Variants in PUM2 observed in about 807,000 individuals in gnomAD.
The protein encoded by PUM2 is pumilio homolog 2.
A neutral mutation model predicts 124.5 loss-of-function variants in PUM2; 57 were observed. The ratio of observed to expected loss-of-function variants is 0.46; its 90% CI spans 0.37 to 0.57. The LOEUF (loss-of-function observed/expected upper bound fraction) is 0.57, where lower values mean the gene tolerates loss of function less well. Ranked by LOEUF, PUM2 falls within the 20% of genes least tolerant of loss-of-function variation. The pLI is 0.00. For missense variants in PUM2, 1,065 were observed against 1,290.6 expected, an observed-to-expected ratio of 0.83 and a Z score of 2.68; for synonymous variants, 460 against 446.1, an observed-to-expected ratio of 1.03 and a Z score of -0.39.
chr2:20,311,297 G>A (rs909097010), intron 5 of PUM2, among the ~76,000 whole-genome samples, 197 bp downstream of exon 5: 10 of 151,968 alleles, frequency 6.6e-5, no homozygotes, highest in African/African-American at 2.4e-4. Flanking sequence ...TTCAGAGGCT[G>A]GTTTGAAGAT....
intron 7 of PUM2, among the ~76,000 whole-genome samples, chr2:20,305,629 T>C (rs1292596819): frequency 2.0e-5 from 3 of 151,980 alleles, no homozygotes; most frequent in Admixed American, 1.3e-4. Context: ...TGAAAGAGTA[T>C]GTTAAAAGAA....
At chr2:20,272,228 C>T (rs1669223523) in intron 13 of PUM2, among the ~76,000 whole-genome samples, 1 of 151,782 alleles carries the variant, frequency 6.6e-6, no homozygotes, top group Non-Finnish European at 1.5e-5. Flanking sequence ...CTTTGAGAAG[C>T]AGTACAACAT....
chr2:20,345,526 G>T (rs1042794551), intron 1 of PUM2, among the ~76,000 whole-genome samples: 7 of 152,032 alleles, frequency 4.6e-5, no homozygotes, highest in Admixed American at 6.6e-5. Context: ...ACATATCACC[G>T]TATCACCAGC....
intron 9 of PUM2, among the ~76,000 whole-genome samples, chr2:20,292,785 G>C (rs1289113985): frequency 6.6e-6 from 1 of 152,040 alleles, no homozygotes; most frequent in Non-Finnish European, 1.5e-5. Flanking sequence ...TACAAAATTA[G>C]CCAGGCATGA....
chr2:20,257,541 G>A (rs1223338923), intron 16 of PUM2, among the ~76,000 whole-genome samples: 2 of 152,066 alleles, frequency 1.3e-5, no homozygotes, highest in Admixed American at 1.3e-4. Context: ...CTTATTAAAA[G>A]TCTGTTTAAT....
chr2:20,348,873 G>A (rs1451123315), intron 1 of PUM2, among the ~76,000 whole-genome samples: 1 of 152,244 alleles, frequency 6.6e-6, no homozygotes, highest in Non-Finnish European at 1.5e-5. Flanking sequence ...AGGCTGCAGT[G>A]AGCCCAGATC....
intron 15 of PUM2, 109 bp from the exon 16 acceptor site, chr2:20,258,480 C>T: frequency 9.3e-7 from 1 of 1,077,298 alleles, no homozygotes; most frequent in South Asian, 2.0e-5. Flanking sequence ...CTATGTAGGG[C>T]AGGGGCTTTA....
Position 20,249,010 on chromosome 2 carries a change from C to G in PUM2, c.*2575G>C, listed in dbSNP as rs1210900995. The G allele has an allele frequency of 6.6e-6, 1 of 152,166 alleles. No individual in the cohort carries two copies. The highest frequency in any genetic ancestry group is 1.5e-5 in the Non-Finnish European group (1 of 68,034). 9.4% of individuals were successfully genotyped at this position (152,166 alleles called of 1,614,324 possible). On this transcript the variant is annotated 3_prime_UTR_variant, in exon 21 of 21. Transcript: ENST00000361078. ...AAATTGGGGTGGGCACCCAAAATGG[C>G]AGACTGTAAAATTTCTACAAGAACA...
At position 20,308,376 on chromosome 2, in the gene PUM2, G is replaced by C. The variant is rs1414833804; in HGVS notation, c.727C>G (p.Gln243Glu). 3 of 1,613,804 alleles carry C rather than the reference G, an allele frequency of 1.9e-6. No homozygotes were observed. Among genetic ancestry groups the C allele is most frequent in the African/African-American group, 1.3e-5 (1 of 74,910 alleles). Residue 243 changes from glutamine to glutamate, a missense_variant, in exon 6 of 21, where the codon CAG (glutamine) becomes GAG (glutamate). Around this residue, in one of 3 missense-constraint regions of PUM2, gnomAD observed 968 missense variants for 1,159.8 expected, o/e 0.83. Coordinates refer to ENST00000361078, the MANE Select transcript of PUM2 (RefSeq NM_015317.5). ...GCTCCTGAAGAGTCCATTGGTACCT[G>C]ATTACCAGGATAGTCAAACTGTAAG... Reference protein sequence around the residue: ...ESLQFDYPGNQVPMDSSGATV... With the variant: ...ESLQFDYPGNEVPMDSSGATV...
Position 20,256,071 on chromosome 2 carries a change from G to A in PUM2, c.2584C>T (p.Gln862Ter). The change falls in exon 17 of 21, where the codon CAG (glutamine) becomes TAG (stop). Residue 862 changes from glutamine (Q) to a stop codon, truncating the protein, a stop_gained. Coordinates refer to ENST00000361078, the MANE Select transcript of PUM2 (RefSeq NM_015317.5). LOFTEE classifies it high-confidence loss of function. ...GCATCAATGATGAACTGTAGTGACT[G>A]TGGCTGAACACATTCGATACATTTT... ...VQKCIECVQP[Q>*]SLQFIIDAFK... is the part of the protein sequence containing the mutation. The A allele has an allele frequency of 6.3e-7, 1 of 1,597,194 alleles. No homozygotes were observed. The highest frequency in any genetic ancestry group is 2.3e-5 in the East Asian group (1 of 43,352).
At position 20,283,231 on chromosome 2, in the gene PUM2, G is replaced by A. The variant is rs1671967534; in HGVS notation, c.1436C>T (p.Ala479Val). The A allele has an allele frequency of 2.5e-6, 4 of 1,610,692 alleles. No individual in the cohort carries two copies. Among genetic ancestry groups the A allele is most frequent in the Non-Finnish European group, 2.5e-6 (3 of 1,177,694 alleles). The change falls in exon 12 of 21, where the codon GCA becomes GTA. Residue 479 changes from alanine (A) to valine (V), a missense_variant and splice_region_variant. Coordinates refer to ENST00000361078, the MANE Select transcript of PUM2 (RefSeq NM_015317.5). ...AGTTCCTCCAGCTGCTGCTGCTGCT[G>A]CTGTAAAATAAATTTCAGATACTTC... Reference protein sequence around the residue: ...VLISSAAAQAAAAAAAGGTAS... With the variant: ...VLISSAAAQAVAAAAAGGTAS...
chr2:20,351,546 C>T (rs1342217792), upstream of PUM2, among the ~76,000 whole-genome samples: 1 of 152,226 alleles, frequency 6.6e-6, no homozygotes, highest in Non-Finnish European at 1.5e-5. Flanking sequence ...GTTTCTTTTT[C>T]TCGCGTACTA....
chr2:20,347,622 T>C (rs1045612047), intron 1 of PUM2, among the ~76,000 whole-genome samples: 7 of 152,220 alleles, frequency 4.6e-5, no homozygotes, highest in Non-Finnish European at 8.8e-5. Flanking sequence ...TCCTAAATGA[T>C]AGGGTTTGAG....
At chr2:20,284,558 A>G (rs1259974866) in intron 10 of PUM2, among the ~76,000 whole-genome samples, 1 of 151,942 alleles carries the variant, frequency 6.6e-6, no homozygotes, top group Non-Finnish European at 1.5e-5. Context: ...GGGCCTCACT[A>G]TGTTGCCTAG....
At chr2:20,251,814 G>T in intron 20 of PUM2, 98 bp from the exon 21 acceptor site, 3 of 1,391,952 alleles carry the variant, frequency 2.2e-6, no homozygotes, top group East Asian at 2.3e-5. Context: ...AGGAATAACT[G>T]CAATTAAAAA....
intron 13 of PUM2, among the ~76,000 whole-genome samples, chr2:20,275,274 C>T (rs145513824): frequency 1.2e-3 from 178 of 151,996 alleles, no homozygotes; most frequent in African/African-American, 3.9e-3. Context: ...TGAACTGAAA[C>T]ATATCAATTA....
At chr2:20,297,885 T>C (rs1369597544) in intron 7 of PUM2, among the ~76,000 whole-genome samples, 3 of 152,210 alleles carry the variant, frequency 2.0e-5, no homozygotes, top group Non-Finnish European at 4.4e-5. Flanking sequence ...TTTTGCAGAA[T>C]TGCTGTGAGA....
intron 10 of PUM2, among the ~76,000 whole-genome samples, chr2:20,286,586 T>G (rs552548708): frequency 6.6e-6 from 1 of 152,198 alleles, no homozygotes; most frequent in African/African-American, 2.4e-5. Context: ...TTCAAAGAGG[T>G]GGTCAACTTC....
At chr2:20,294,280 T>C in intron 9 of PUM2, 96 bp downstream of exon 9, 1 of 1,393,916 alleles carries the variant, frequency 7.2e-7, no homozygotes, top group Non-Finnish European at 9.8e-7. Context: ...TGTTACACAG[T>C]GAGGAAACGT....
Sources: allele counts gnomAD v4.1 joint callset (sites outside exome capture counted in the v4.1 genomes callset), GRCh38; gene constraint gnomAD v4.1.1; regional missense constraint gnomAD v4.1.1; transcripts MANE v1.5; gene names NCBI Gene and HGNC (gene_info 2026-07-23, HGNC 2026-07-21).